Variants in SLC35D4 observed in about 807,000 individuals in gnomAD.
SLC35D4 encodes the protein UDP-N-acetylglucosamine transporter SLC35D4.
chr18:23,291,933 G>C, the SLC35D4 span, among the ~76,000 whole-genome samples: 3 of 152,308 alleles, frequency 2.0e-5, no homozygotes, highest in African/African-American at 4.8e-5. Flanking sequence ...GTGGGGCCAG[G>C]AGAAGCCCAA....
At chr18:23,252,501 C>T in the SLC35D4 span, among the ~76,000 whole-genome samples, 1 of 152,294 alleles carries the variant, frequency 6.6e-6, no homozygotes, top group South Asian at 2.1e-4. Flanking sequence ...GTGAAGTAGG[C>T]ACTGTTACTG....
chr18:23,279,444 TGAGTCCCCTAAAAATATATGCTG>T, the SLC35D4 span, among the ~76,000 whole-genome samples: 5 of 152,320 alleles, frequency 3.3e-5, no homozygotes, highest in East Asian at 9.6e-4. Flanking sequence ...CTGAGTGCTA[TGAGTCCCCTAAAAATATATGCTG>T]GAGTCCTAAC....
At chr18:23,346,411 C>T in the SLC35D4 span, among the ~76,000 whole-genome samples, 17 of 152,322 alleles carry the variant, frequency 1.1e-4, no homozygotes, top group African/African-American at 4.1e-4. Context: ...TGAGCCACCA[C>T]ACCCTGCCTT....
the SLC35D4 span, among the ~76,000 whole-genome samples, chr18:23,427,696 G>A: frequency 5.9e-5 from 9 of 152,176 alleles, no homozygotes; most frequent in South Asian, 2.1e-4. Flanking sequence ...TATAAATCAC[G>A]CTGCTATAAA....
chr18:23,431,350 A>G, the SLC35D4 span, among the ~76,000 whole-genome samples: 1 of 152,112 alleles, frequency 6.6e-6, no homozygotes, highest in Non-Finnish European at 1.5e-5. Context: ...CCCAGATGTC[A>G]GAAATGTCAC....
chr18:23,284,216 G>C, the SLC35D4 span, among the ~76,000 whole-genome samples: 1 of 152,080 alleles, frequency 6.6e-6, no homozygotes, highest in Non-Finnish European at 1.5e-5. Flanking sequence ...CCTGTATCTT[G>C]TGCTGCCCTC....
chr18:23,304,923 T>A, the SLC35D4 span, among the ~76,000 whole-genome samples: 2 of 152,220 alleles, frequency 1.3e-5, no homozygotes, highest in Non-Finnish European at 2.9e-5. Flanking sequence ...CCTTCTTCAG[T>A]CTTCTTATTC....
At chr18:23,283,011 C>T in the SLC35D4 span, among the ~76,000 whole-genome samples, 275 of 151,420 alleles carry the variant, frequency 1.8e-3, 2 homozygotes, top group South Asian at 0.019. Flanking sequence ...GAAAAGAGGT[C>T]TGACACACCT....
At chr18:23,249,889 C>T in the SLC35D4 span, among the ~76,000 whole-genome samples, 3 of 152,298 alleles carry the variant, frequency 2.0e-5, no homozygotes. Context: ...GCATGGGGCA[C>T]GAGCTGGAAG....
the SLC35D4 span, among the ~76,000 whole-genome samples, chr18:23,352,686 A>C: frequency 2.6e-5 from 4 of 152,182 alleles, no homozygotes; most frequent in African/African-American, 9.7e-5. Flanking sequence ...CCAAAGGGAA[A>C]CTCACCATGT....
the SLC35D4 span, among the ~76,000 whole-genome samples, chr18:23,275,016 T>TGAGTGTGCGTATGC: frequency 3.3e-5 from 5 of 149,330 alleles, no homozygotes; most frequent in East Asian, 4.0e-4. Context: ...TGTATGTGTG[T>TGAGTGTGCGTATGC]GCTTGTGTGT....
the SLC35D4 span, chr18:23,258,184 C>T: frequency 6.6e-6 from 1 of 152,478 alleles, no homozygotes; most frequent in African/African-American, 2.4e-5. Flanking sequence ...AACTTCCTGC[C>T]GTCTGCCACC....
the SLC35D4 span, among the ~76,000 whole-genome samples, chr18:23,417,391 A>G: frequency 1.3e-5 from 2 of 152,226 alleles, no homozygotes; most frequent in African/African-American, 4.8e-5. Flanking sequence ...ACTTGAAAAC[A>G]TTAATGCTAA....
At chr18:23,347,485 C>T in the SLC35D4 span, among the ~76,000 whole-genome samples, 4 of 152,048 alleles carry the variant, frequency 2.6e-5, no homozygotes, top group South Asian at 6.2e-4. Context: ...AGTGCAGTGG[C>T]GTGATCACGG....
At chr18:23,292,518 T>A in the SLC35D4 span, among the ~76,000 whole-genome samples, 4 of 152,154 alleles carry the variant, frequency 2.6e-5, no homozygotes, top group Non-Finnish European at 4.4e-5. Context: ...GGAAGGAGCA[T>A]GGCCTTCAGG....
chr18:23,277,337 G>A, the SLC35D4 span, among the ~76,000 whole-genome samples: 1 of 152,072 alleles, frequency 6.6e-6, no homozygotes, highest in Non-Finnish European at 1.5e-5. Flanking sequence ...TCCTCATTCT[G>A]TCTTTGCCTG....
chr18:23,302,887 C>T, the SLC35D4 span, among the ~76,000 whole-genome samples: 1 of 152,224 alleles, frequency 6.6e-6, no homozygotes, highest in South Asian at 2.1e-4. Context: ...TTAACAGCTG[C>T]TCCACATTTT....
At chr18:23,343,845 T>G in the SLC35D4 span, among the ~76,000 whole-genome samples, 1 of 152,164 alleles carries the variant, frequency 6.6e-6, no homozygotes, top group Non-Finnish European at 1.5e-5. Flanking sequence ...GTTGTTTCGC[T>G]TGGGATAATG....
At chr18:23,430,552 G>A in the SLC35D4 span, 9 of 1,224,070 alleles carry the variant, frequency 7.4e-6, no homozygotes, top group Middle Eastern at 2.0e-4. Flanking sequence ...AATCTATGCA[G>A]TTATTAAAAC....
Sources: gnomAD v4.1 joint callset for allele counts (sites outside exome capture counted in the v4.1 genomes callset) on GRCh38, gnomAD v4.1.1 for gene constraint, MANE v1.5 for transcripts, NCBI Gene and HGNC (gene_info 2026-07-23, HGNC 2026-07-21) for gene names.